PLD1: variants seen among roughly 807,000 people sequenced by gnomAD.
PLD1 encodes phospholipase D1.
Under a neutral mutation model 137.1 loss-of-function variants are expected in PLD1, and 112 were observed. That is an observed-to-expected ratio of 0.82 (90% CI 0.70 to 0.96). The LOEUF (loss-of-function observed/expected upper bound fraction) is 0.96. Among genes scored for constraint, PLD1 ranks in the 40% least tolerant of loss-of-function variants. PLD1 has a pLI of 0.00. For missense variants in PLD1, 1,321 were observed against 1,342.0 expected (o/e 0.98, Z 0.24); for synonymous variants, 431 against 454.7 (o/e 0.95, Z 0.66).
chr3:171,642,556 A>G lies in PLD1; in HGVS notation c.2593+284T>C, dbSNP rs139537300. 2.6e-5 allele frequency among the ~76,000 whole-genome samples: 4 copies of G among 151,596 alleles called. No individual in the cohort carries two copies. The East Asian group carries it at 7.7e-4, about 29-fold the overall frequency. ...ATAAAGAAGAACAAACAACTATAAT[A>G]CCTCATAAAGATGATTGTTATTATT... On this transcript the variant is annotated intron_variant, in intron 23 of 26. Transcript: ENST00000351298.
chr3:171,654,772 A>C (rs1737052879), intron 21 of PLD1, among the ~76,000 whole-genome samples: 2 of 151,852 alleles, frequency 1.3e-5, no homozygotes, highest in Non-Finnish European at 2.9e-5. Flanking sequence ...AGACAGTTTT[A>C]CTTATTAGAG....
chr3:171,777,129 G>A (rs1722618084), intron 1 of PLD1, among the ~76,000 whole-genome samples: 1 of 151,870 alleles, frequency 6.6e-6, no homozygotes, highest in Non-Finnish European at 1.5e-5. Flanking sequence ...AAATTACTAT[G>A]TTCATGGATG....
intron 3 of PLD1, among the ~76,000 whole-genome samples, chr3:171,737,179 T>C (rs1332156851): frequency 6.6e-6 from 1 of 152,340 alleles, no homozygotes; most frequent in East Asian, 1.9e-4. Context: ...ATACCTGCCA[T>C]GCAAGGTGGA....
At chr3:171,640,945 A>G (rs1033699975) in intron 23 of PLD1, among the ~76,000 whole-genome samples, 4 of 152,216 alleles carry the variant, frequency 2.6e-5, no homozygotes, top group Admixed American at 6.5e-5. Flanking sequence ...TTTTTGATAA[A>G]TACCAGGTTT....
In PLD1 at chr3:171,687,474, T is replaced by A. The variant is rs760087722; in HGVS notation, c.1650A>T (p.Gly550=). The change falls in exon 15 of 27, where the codon GGA becomes GGT. Residue 550 remains glycine (G), a synonymous_variant. Coordinates refer to ENST00000351298, the MANE Select transcript of PLD1 (RefSeq NM_002662.5). The part of the protein sequence containing the change: ...SIDDVDSKLK[G]IGKPRKFSKF... ...TGGAGAACTTTCTTGGCTTTCCTAT[T>A]CCTTTCAGTTTTGAATCCACATCAT... 2 of 1,614,148 alleles carry A rather than the reference T, an allele frequency of 1.2e-6. No individual in the cohort carries two copies. Among genetic ancestry groups the A allele is most frequent in the Non-Finnish European group, 1.7e-6 (2 of 1,179,988 alleles).
chr3:171,779,739 A>T (rs1722718675), intron 1 of PLD1, among the ~76,000 whole-genome samples: 1 of 151,434 alleles, frequency 6.6e-6, no homozygotes, highest in Non-Finnish European at 1.5e-5. Flanking sequence ...TAAGTCTAAC[A>T]TTCAGGACTG....
intron 1 of PLD1, among the ~76,000 whole-genome samples, chr3:171,779,894 A>G (rs2108339933): frequency 6.6e-6 from 1 of 152,052 alleles, no homozygotes; most frequent in South Asian, 2.1e-4. Flanking sequence ...TGGGGTTTGT[A>G]TACGTAAGTC....
In PLD1 at chr3:171,679,768, T is replaced by C. The variant is rs568190569; in HGVS notation, c.1868-2074A>G. Among the ~76,000 whole-genome samples, 5 of 152,352 alleles carry C rather than the reference T, an allele frequency of 3.3e-5. No individual in the cohort carries two copies. The East Asian group carries it at 9.6e-4, about 29-fold the overall frequency. On this transcript the variant is annotated intron_variant, in intron 16 of 26. Coordinates refer to ENST00000351298, the MANE Select transcript of PLD1 (RefSeq NM_002662.5). ...TTTTTAGCCATGGCCTAAAAACTATTCCACATAAATTAGGGTTCCTCCTCA... is the reference window on the plus strand; with the variant it reads ...TTTTTAGCCATGGCCTAAAAACTATCCCACATAAATTAGGGTTCCTCCTCA...
chr3:171,743,046 C>T (rs945454961), intron 1 of PLD1, among the ~76,000 whole-genome samples: 1 of 151,978 alleles, frequency 6.6e-6, no homozygotes, highest in Non-Finnish European at 1.5e-5. Context: ...GATCAAATGA[C>T]CTAGAATTGT....
rs559116631 is a variant in PLD1, at chr3:171,622,252, A to C, written c.2594-1732T>G. On this transcript the variant is annotated intron_variant, in intron 23 of 26. Transcript: ENST00000351298. Reference sequence around the variant, plus strand: ...AGTAGACCAGTGGTTCTCAGCATGCACAAAGACCACCTCTATGGAATTTGT... The same window carrying C: ...AGTAGACCAGTGGTTCTCAGCATGCCCAAAGACCACCTCTATGGAATTTGT... 2.1e-4 allele frequency among the ~76,000 whole-genome samples: 32 copies of C among 152,344 alleles called. No individual in the cohort carries two copies. The South Asian group carries it at 6.0e-3, about 29-fold the overall frequency.
At chr3:171,713,853 A>C (rs1031199533) in intron 9 of PLD1, 40 bp downstream of exon 9, 2 of 1,549,564 alleles carry the variant, frequency 1.3e-6, no homozygotes, top group African/African-American at 2.8e-5. Flanking sequence ...TTTTTAAGGC[A>C]TTTTTGTAGA....
intron 24 of PLD1, among the ~76,000 whole-genome samples, chr3:171,614,832 C>T (rs1478678660): frequency 6.6e-6 from 1 of 152,242 alleles, no homozygotes; most frequent in African/African-American, 2.4e-5. Flanking sequence ...CCTCCGCACA[C>T]ACATTCTCCC....
chr3:171,670,572 C>T (rs1242762890), intron 19 of PLD1, among the ~76,000 whole-genome samples: 4 of 152,140 alleles, frequency 2.6e-5, no homozygotes, highest in Admixed American at 2.6e-4. Context: ...ATAGAAATAG[C>T]AGGTTTTCAG....
intron 19 of PLD1, among the ~76,000 whole-genome samples, chr3:171,669,652 T>C (rs944730415): frequency 2.0e-5 from 3 of 152,228 alleles, no homozygotes; most frequent in Non-Finnish European, 2.9e-5. Flanking sequence ...CCACCTGCCT[T>C]GGCCTCCGTA....
At chr3:171,749,710 G>C (rs1478622192) in intron 1 of PLD1, among the ~76,000 whole-genome samples, 3 of 152,164 alleles carry the variant, frequency 2.0e-5, no homozygotes, top group Non-Finnish European at 4.4e-5. Context: ...TTTCCAGCTT[G>C]AAGAAACAAA....
At chr3:171,603,591 C>T (rs1300245101) in intron 26 of PLD1, among the ~76,000 whole-genome samples, 1 of 152,030 alleles carries the variant, frequency 6.6e-6, no homozygotes, top group Non-Finnish European at 1.5e-5. Flanking sequence ...AATAATCATC[C>T]CTGAATTTCA....
intron 21 of PLD1, among the ~76,000 whole-genome samples, chr3:171,651,484 G>A (rs1736765042): frequency 6.6e-6 from 1 of 152,262 alleles, no homozygotes; most frequent in South Asian, 2.1e-4. Flanking sequence ...CTGGGCTTCA[G>A]TTTCCTCATC....
At chr3:171,606,793 A>G (rs547900531) in intron 25 of PLD1, among the ~76,000 whole-genome samples, 75 of 152,236 alleles carry the variant, frequency 4.9e-4, no homozygotes, top group Middle Eastern at 3.4e-3. Flanking sequence ...GTAATTTCCA[A>G]TTTTTCATTA....
intron 1 of PLD1, among the ~76,000 whole-genome samples, chr3:171,785,640 T>G (rs763488079): frequency 6.6e-6 from 1 of 152,214 alleles, no homozygotes; most frequent in Non-Finnish European, 1.5e-5. Flanking sequence ...GGTTTCACCA[T>G]GTTGTTCAAG....
Sources: gnomAD v4.1 joint callset for allele counts (sites outside exome capture counted in the v4.1 genomes callset) on GRCh38, gnomAD v4.1.1 for gene constraint, MANE v1.5 for transcripts, NCBI Gene and HGNC (gene_info 2026-07-23, HGNC 2026-07-21) for gene names.